The following CHST15 variants were observed in gnomAD, a reference collection of about 807,000 sequenced individuals.
The protein encoded by CHST15 is B cell RAG associated protein (GALNAC4S-6ST).
Under a neutral mutation model 53.6 loss-of-function variants are expected in CHST15, and 30 were observed. The ratio of observed to expected loss-of-function variants is 0.56; its 90% CI spans 0.42 to 0.76. The LOEUF is 0.76. CHST15 is among the 30% of genes least tolerant of loss of function. The pLI, the probability that CHST15 is intolerant of heterozygous loss-of-function variation, is 0.00. For synonymous variants in CHST15, 296 were observed against 289.8 expected (o/e 1.02, Z -0.22); for missense variants, 627 against 740.5 (o/e 0.85, Z 1.78).
chr10:124,078,818 C>G (rs1949154645), intron 1 of CHST15, among the ~76,000 whole-genome samples: 1 of 152,154 alleles, frequency 6.6e-6, no homozygotes, highest in Non-Finnish European at 1.5e-5. Context: ...TGCTATTGTA[C>G]CAGTGTCAGT....
chr10:124,069,782 G>C (rs1196033702), intron 1 of CHST15, among the ~76,000 whole-genome samples: 1 of 152,210 alleles, frequency 6.6e-6, no homozygotes, highest in Non-Finnish European at 1.5e-5. Context: ...CTCATCCCTC[G>C]AGGAAGGACG....
At chr10:124,012,624 G>T in intron 6 of CHST15, 144 bp from the exon 7 acceptor site, 1 of 926,096 alleles carries the variant, frequency 1.1e-6, no homozygotes. Context: ...TTTAACACAA[G>T]GTGTTCTTGC....
intron 1 of CHST15, among the ~76,000 whole-genome samples, chr10:124,088,180 G>A (rs900655056): frequency 6.6e-6 from 1 of 152,200 alleles, no homozygotes; most frequent in Non-Finnish European, 1.5e-5. Context: ...AAAGACACCC[G>A]CCCTCAAGCC....
At chr10:124,048,723 G>A (rs1342541568) in intron 1 of CHST15, among the ~76,000 whole-genome samples, 2 of 152,212 alleles carry the variant, frequency 1.3e-5, no homozygotes, top group African/African-American at 4.8e-5. Flanking sequence ...GCTCAGCGGG[G>A]AGGGAATTCG....
At chr10:124,069,455 C>T (rs1948846833) in intron 1 of CHST15, among the ~76,000 whole-genome samples, 1 of 152,106 alleles carries the variant, frequency 6.6e-6, no homozygotes, top group Non-Finnish European at 1.5e-5. Context: ...ATCATCGGGG[C>T]CAGGCTCGGG....
rs776714793 is a variant in CHST15, at chr10:124,045,723, C to T, written c.490G>A (p.Glu164Lys). ...LIINSITTRI[E>K]FTTRQLPDLE... ...TCTGGGAGCTGTCTGGTCGTGAACT[C>T]AATCCTAGTTGTGATGCTGTTGATA... is the stretch of plus-strand genomic sequence containing the variant. Residue 164 changes from glutamate (E) to lysine (K), a missense_variant, in exon 2 of 8, where the codon GAG (glutamate) becomes AAG (lysine). By Grantham distance (56) the Glu-to-Lys change is moderately conservative (BLOSUM62 1). This residue lies in a region of CHST15 where 187 missense variants were observed against 251.8 expected (regional missense o/e 0.74). Coordinates refer to ENST00000435907, the MANE Select transcript of CHST15 (RefSeq NM_001270764.2). 27 of 1,613,722 alleles carry T rather than the reference C, an allele frequency of 1.7e-5. No individual in the cohort carries two copies. Among genetic ancestry groups the T allele is most frequent in the Non-Finnish European group, 2.0e-5 (24 of 1,179,872 alleles).
At chr10:124,039,749 G>A (rs952370686) in intron 4 of CHST15, among the ~76,000 whole-genome samples, 4 of 152,224 alleles carry the variant, frequency 2.6e-5, no homozygotes, top group African/African-American at 9.6e-5. Flanking sequence ...AGGGTTTGAG[G>A]AGAGACAGTG....
At chr10:124,015,180 C>A (rs753393746) in intron 6 of CHST15, among the ~76,000 whole-genome samples, 4 of 152,184 alleles carry the variant, frequency 2.6e-5, no homozygotes, top group African/African-American at 9.7e-5. Context: ...ACCATATGCA[C>A]CATGAAGACA....
rs761602651 is a variant in CHST15 at position 124,045,127 on chromosome 10, A to AAAAC, written c.547-209_547-208insGTTT. ...CGCCGCCCCACAAAAAAAAAAAAAA[A>AAAAC]AAAAAAAAAAAAAAAAACTTGGAGA... On this transcript the variant is annotated intron_variant, in intron 2 of 7. Transcript: ENST00000435907. Among the ~76,000 whole-genome samples the AAAAC allele has an allele frequency of 7.1e-3, 893 of 125,146 alleles. 18 individuals are homozygous for AAAAC. Among genetic ancestry groups the AAAAC allele is most frequent in the African/African-American group, 0.035 (824 of 23,686 alleles). The allele number at this position is 125,146 out of a possible 152,430, so 82.1% of individuals were successfully genotyped here. A position where few individuals can be genotyped will look rare whatever the true frequency, so the allele number is the denominator to read the frequency against.
In CHST15 at chr10:124,045,245, G is replaced by A. The variant is rs377078279; in HGVS notation, c.547-326C>T. 6.7e-5 allele frequency among the ~76,000 whole-genome samples: 10 copies of A among 150,138 alleles called. No individual in the cohort carries two copies. In the East Asian group the frequency reaches 1.4e-3, roughly 21 times the overall value. On this transcript the variant is annotated intron_variant, in intron 2 of 7. Transcript: ENST00000435907. ...CACACGCACACACGGTAATTAAGCA[G>A]AATCTTTTTACTAGTTGTATATTTA... is the stretch of plus-strand genomic sequence containing the variant.
At chr10:124,041,318 G>C (rs571299310) in intron 4 of CHST15, among the ~76,000 whole-genome samples, 3 of 152,248 alleles carry the variant, frequency 2.0e-5, no homozygotes, top group East Asian at 3.9e-4. Context: ...CACTATCTAA[G>C]GTAAACAATT....
At chr10:124,020,865 T>C (rs1946752983) in intron 6 of CHST15, 3 of 1,254,146 alleles carry the variant, frequency 2.4e-6, no homozygotes, top group African/African-American at 1.5e-5. Context: ...AAATCATTGA[T>C]GGGTAGTTTT....
intron 6 of CHST15, among the ~76,000 whole-genome samples, chr10:124,017,777 C>T (rs750901535): frequency 1.3e-5 from 2 of 152,176 alleles, no homozygotes; most frequent in Non-Finnish European, 2.9e-5. Flanking sequence ...CTCAGTTTTC[C>T]CAGTAGTAAG....
Position 124,007,733 on chromosome 10 carries a change from T to A in CHST15, c.*2416A>T. ...CTTATGGGTCCATCTTTAATTATGT[T>A]AAATATTAATAAAAGTACAGCGTAA... On this transcript the variant is annotated 3_prime_UTR_variant, in exon 8 of 8. Coordinates refer to ENST00000435907, the MANE Select transcript of CHST15 (RefSeq NM_001270764.2). The A allele has an allele frequency of 8.1e-7, 1 of 1,229,196 alleles. No homozygotes were observed. The highest frequency in any genetic ancestry group is 1.0e-6 in the Non-Finnish European group (1 of 986,836). 76.1% of individuals were successfully genotyped at this position (1,229,196 alleles called of 1,614,324 possible).
chr10:124,077,716 C>T (rs751541119), intron 1 of CHST15, among the ~76,000 whole-genome samples: 4 of 152,192 alleles, frequency 2.6e-5, no homozygotes, highest in Admixed American at 6.5e-5. Context: ...TAAGTATATG[C>T]TGATAATGCC....
intron 1 of CHST15, among the ~76,000 whole-genome samples, chr10:124,068,142 G>C (rs545988874): frequency 9.2e-5 from 14 of 152,162 alleles, no homozygotes; most frequent in Non-Finnish European, 1.9e-4. Flanking sequence ...CTGCTCGGGG[G>C]GTCAGAGGCA....
intron 5 of CHST15, among the ~76,000 whole-genome samples, chr10:124,032,355 C>G (rs999659612): frequency 1.3e-5 from 2 of 152,108 alleles, no homozygotes; most frequent in African/African-American, 4.8e-5. Flanking sequence ...CACACAGAAT[C>G]AAACCCCAAA....
intron 5 of CHST15, among the ~76,000 whole-genome samples, chr10:124,035,663 TA>T (rs559132966): frequency 1.3e-5 from 2 of 152,232 alleles, no homozygotes; most frequent in Non-Finnish European, 2.9e-5. Flanking sequence ...GGCTCCACCC[TA>T]AACAGGAGAA....
chr10:124,044,619 C>T lies in CHST15; in HGVS notation c.847G>A (p.Ala283Thr), dbSNP rs780219214. 3.8e-6 allele frequency: 6 copies of T among 1,577,622 alleles called. No homozygotes were observed. The highest frequency in any genetic ancestry group is 3.4e-6 in the Non-Finnish European group (4 of 1,159,866). The change falls in exon 3 of 8, where the codon GCC (alanine) becomes ACC (threonine). Residue 283 changes from alanine to threonine, a missense_variant. Physicochemically the swap from Ala to Thr is moderately conservative, Grantham distance 58. Transcript: ENST00000435907. ...GTCCACCAGTGTGGCTCCTTGATGG[C>T]GGAGAACTTGACCTCAGGGTGCAGC... ...LRLHPEVKFS[A>T]IKEPHWWTRK...
Sources: allele counts gnomAD v4.1 joint callset (sites outside exome capture counted in the v4.1 genomes callset), GRCh38; gene constraint gnomAD v4.1.1; regional missense constraint gnomAD v4.1.1; transcripts MANE v1.5; gene names NCBI Gene and HGNC (gene_info 2026-07-23, HGNC 2026-07-21).